CCND1: variants seen among roughly 807,000 people sequenced by gnomAD.
CCND1 encodes cyclin D1, also known as G1/S-specific cyclin-D1.
A neutral mutation model predicts 26.1 loss-of-function variants in CCND1; 9 were observed. The ratio of observed to expected loss-of-function variants is 0.35; its 90% CI spans 0.21 to 0.60. CCND1 has a LOEUF of 0.60. Among genes scored for constraint, CCND1 ranks in the 20% least tolerant of loss-of-function variants. The pLI is 0.79. For missense variants in CCND1, 335 were observed against 392.9 expected, an observed-to-expected ratio of 0.85 and a Z score of 1.25; for synonymous variants, 194 against 166.1, an observed-to-expected ratio of 1.17 and a Z score of -1.29.
At position 69,641,529 on chromosome 11, in the gene CCND1, G is replaced by T. The variant is rs1555062723; in HGVS notation, c.198+18G>T. 1.2e-6 allele frequency: 2 copies of T among 1,611,574 alleles called. No individual in the cohort carries two copies. The highest frequency in any genetic ancestry group is 3.3e-5 in the Admixed American group (2 of 60,012). ...TGCTGGAGGTGCGGGGCTTCGGGCGGCTCTCTTAAGACTTCCCTGCAACTT... is the reference window on the plus strand; with the variant it reads ...TGCTGGAGGTGCGGGGCTTCGGGCGTCTCTCTTAAGACTTCCCTGCAACTT... On this transcript the variant is annotated intron_variant, in intron 1 of 4. Transcript: ENST00000227507.
At chr11:69,642,758 AGCCCGCGCCGCC>A (rs1454982391) in intron 1 of CCND1, among the ~76,000 whole-genome samples, 1 of 151,162 alleles carries the variant, frequency 6.6e-6, no homozygotes, top group East Asian at 2.0e-4. Flanking sequence ...GGGGGCCGGC[AGCCCGCGCCGCC>A]GCGCACGCCG....
intron 4 of CCND1, 61 bp from the exon 5 acceptor site, chr11:69,651,057 T>G: frequency 6.7e-7 from 1 of 1,499,946 alleles, no homozygotes; most frequent in Non-Finnish European, 9.0e-7. Flanking sequence ...GAAGGGGCCC[T>G]CGCTGCAGGC....
In CCND1 at chr11:69,653,069, C is replaced by A. The variant is rs1287992380; in HGVS notation, c.*1787C>A. 4.7e-5 allele frequency: 25 copies of A among 528,828 alleles called. No homozygotes were observed. The highest frequency in any genetic ancestry group is 8.0e-5 in the Non-Finnish European group (24 of 301,332). 32.8% of individuals were successfully genotyped at this position (528,828 alleles called of 1,614,324 possible). ...GTGACAAAATAGACAATTTGCACAT[C>A]TTGGCTATGTAATTCTTGTAATTTT... On this transcript the variant is annotated 3_prime_UTR_variant, in exon 5 of 5. Transcript: ENST00000227507.
chr11:69,647,189 C>T (rs1310301334), intron 3 of CCND1, among the ~76,000 whole-genome samples: 1 of 152,216 alleles, frequency 6.6e-6, no homozygotes, highest in Non-Finnish European at 1.5e-5. Context: ...TCAGACGGCC[C>T]AGAAAAGTGT....
At position 69,654,218 on chromosome 11, in the gene CCND1, T is replaced by C. The variant is rs1229680202; in HGVS notation, c.*2936T>C. On this transcript the variant is annotated 3_prime_UTR_variant, in exon 5 of 5. Coordinates refer to ENST00000227507, the MANE Select transcript of CCND1 (RefSeq NM_053056.3). This position sits in a 1 kb window ranked among gnomAD's most constrained non-coding sequence, Gnocchi z 6.3. ...CGCGGGGGCCTTGAGGGACGCTTTG[T>C]CTGTCGTGATGGGGCAAGGGCACAA... 1 of 702,218 alleles carries C rather than the reference T, an allele frequency of 1.4e-6. No homozygotes were observed. The highest frequency in any genetic ancestry group is 1.7e-5 in the African/African-American group (1 of 57,198). 43.5% of individuals were successfully genotyped at this position (702,218 alleles called of 1,614,324 possible).
At position 69,653,426 on chromosome 11, in the gene CCND1, T is replaced by C. The variant is rs2120127998; in HGVS notation, c.*2144T>C. The C allele has an allele frequency of 1.6e-6, 1 of 634,962 alleles. No homozygotes were observed. Among genetic ancestry groups the C allele is most frequent in the African/African-American group, 1.9e-5 (1 of 53,414 alleles). The allele number at this position is 634,962 out of a possible 1,614,324, so 39.3% of individuals were successfully genotyped here. ...ACAGATGCCTTTTTTGTAGTTTTTT[T>C]TTTTTTTATGTGATCAATTTTGACT... On this transcript the variant is annotated 3_prime_UTR_variant, in exon 5 of 5. Transcript: ENST00000227507.
intron 2 of CCND1, chr11:69,643,454 G>T: frequency 2.1e-6 from 1 of 477,290 alleles, no homozygotes; most frequent in East Asian, 3.6e-5. Flanking sequence ...GCTTGCCTGC[G>T]ACTCCCACCG....
At chr11:69,649,979 C>T (rs781365196) in intron 4 of CCND1, among the ~76,000 whole-genome samples, 4 of 152,168 alleles carry the variant, frequency 2.6e-5, no homozygotes, top group East Asian at 1.9e-4. Context: ...ATCTGAGGGG[C>T]GGGAGAGGAA....
intron 1 of CCND1, 58 bp from the exon 2 acceptor site, chr11:69,642,973 G>C: frequency 7.5e-7 from 1 of 1,326,052 alleles, no homozygotes; most frequent in Non-Finnish European, 1.0e-6. Flanking sequence ...GGGTGCGGGG[G>C]CGTGCGGGGG....
At chr11:69,650,626 C>A (rs1282721557) in intron 4 of CCND1, among the ~76,000 whole-genome samples, 1 of 152,240 alleles carries the variant, frequency 6.6e-6, no homozygotes, top group Non-Finnish European at 1.5e-5. Flanking sequence ...AGCATTCATC[C>A]TCAGTCATGC....
At position 69,642,984 on chromosome 11, in the gene CCND1, G is replaced by T. The variant is rs746452027; in HGVS notation, c.199-47G>T. ...TGGGGGGTGCGGGGGCGTGCGGGGG[G>T]GCGGCGCGACCTGGCGGCGGCGGTC... On this transcript the variant is annotated intron_variant, in intron 1 of 4. Transcript: ENST00000227507. 337 of 1,416,780 alleles carry T rather than the reference G, an allele frequency of 2.4e-4. 1 individual carries two copies. Among genetic ancestry groups the T allele is most frequent in the East Asian group, 4.9e-4 (19 of 38,504 alleles). 87.8% of individuals were successfully genotyped at this position (1,416,780 alleles called of 1,614,324 possible).
intron 4 of CCND1, among the ~76,000 whole-genome samples, chr11:69,650,671 AG>A (rs1298484233): frequency 6.6e-6 from 1 of 152,232 alleles, no homozygotes; most frequent in African/African-American, 2.4e-5. Flanking sequence ...TGATCATGGA[AG>A]GCCAGGTTCA....
At position 69,652,550 on chromosome 11, in the gene CCND1, G is replaced by A; in HGVS notation, c.*1268G>A. Reference sequence around the variant, plus strand: ...TTTCCTTTTCTTTAAAGAAGTTGAAGTTTAGGAATCCTTTGGTGCCAACTG... The same window carrying A: ...TTTCCTTTTCTTTAAAGAAGTTGAAATTTAGGAATCCTTTGGTGCCAACTG... On this transcript the variant is annotated 3_prime_UTR_variant, in exon 5 of 5. Coordinates refer to ENST00000227507, the MANE Select transcript of CCND1 (RefSeq NM_053056.3). The A allele has an allele frequency of 4.3e-6, 1 of 233,268 alleles. No homozygotes were observed. Among genetic ancestry groups the A allele is most frequent in the Non-Finnish European group, 8.5e-6 (1 of 118,050 alleles). The allele number at this position is 233,268 out of a possible 1,614,324, so 14.4% of individuals were successfully genotyped here.
chr11:69,643,001 G>A (rs2120087571), intron 1 of CCND1, 30 bp from the exon 2 acceptor site: 2 of 1,488,664 alleles, frequency 1.3e-6, no homozygotes, highest in Middle Eastern at 2.0e-4. Context: ...CGACCTGGCG[G>A]CGGCGGTCAC....
rs1396397470 is a variant in CCND1, at chr11:69,652,171, T to TACAAAAATACAA, written c.*890_*891insCAAAAATACAAA. On this transcript the variant is annotated 3_prime_UTR_variant, in exon 5 of 5. Transcript: ENST00000227507. Reference sequence around the variant, plus strand: ...TATTTTTATACTCTTCCTATTTTTGTAGTGACCTGTTTATGAGATGCTGGT... The same window carrying TACAAAAATACAA: ...TATTTTTATACTCTTCCTATTTTTGTACAAAAATACAAAGTGACCTGTTTATGAGATGCTGGT... 1 of 233,592 alleles carries TACAAAAATACAA rather than the reference T, an allele frequency of 4.3e-6. No individual in the cohort carries two copies. The highest frequency in any genetic ancestry group is 6.0e-5 in the East Asian group (1 of 16,610). The allele number at this position is 233,592 out of a possible 1,614,324, so 14.5% of individuals were successfully genotyped here.
In CCND1 at chr11:69,647,961, C is replaced by T. The variant is rs201491055; in HGVS notation, c.575-33C>T. 1,050 of 1,611,762 alleles carry T rather than the reference C, an allele frequency of 6.5e-4. 19 individuals carry two copies. The East Asian group carries it at 0.018, about 27-fold the overall frequency. On this transcript the variant is annotated intron_variant, in intron 3 of 4. Transcript: ENST00000227507. Reference sequence around the variant, plus strand: ...GGGGGCCCTGAGAGGGTCCCCTGCTCACAGCCTCCTTCCCTCTCTCCTTCT... The same window carrying T: ...GGGGGCCCTGAGAGGGTCCCCTGCTTACAGCCTCCTTCCCTCTCTCCTTCT...
intron 4 of CCND1, among the ~76,000 whole-genome samples, chr11:69,650,252 A>G (rs1368693671): frequency 1.3e-5 from 2 of 152,226 alleles, no homozygotes; most frequent in Non-Finnish European, 2.9e-5. Context: ...CACAGCCCCA[A>G]CACATGGAGC....
chr11:69,643,556 T>G (rs1855739519), intron 2 of CCND1, among the ~76,000 whole-genome samples: 7 of 152,236 alleles, frequency 4.6e-5, no homozygotes, highest in Admixed American at 4.6e-4. Context: ...GAGCCTCCAG[T>G]TCCAGGTGGT....
rs1189198679 is a variant in CCND1 at position 69,641,749 on chromosome 11, G to A, written c.198+238G>A. Among the ~76,000 whole-genome samples the A allele has an allele frequency of 2.0e-5, 3 of 152,214 alleles. No individual in the cohort carries two copies. The East Asian group carries it at 5.8e-4, about 30-fold the overall frequency. On this transcript the variant is annotated intron_variant, in intron 1 of 4. Transcript: ENST00000227507. ...GGGAGGGGAGAAGGGGGTCCGGGAG[G>A]GGTGCCTTCGGGAGAAGCCAGTGCC...
Sources: gnomAD v4.1 joint callset for allele counts (sites outside exome capture counted in the v4.1 genomes callset) on GRCh38, gnomAD v4.1.1 for gene constraint, Gnocchi (gnomAD v3.1) non-coding constraint, MANE v1.5 for transcripts, NCBI Gene and HGNC (gene_info 2026-07-23, HGNC 2026-07-21) for gene names.